TANC2: variants seen among roughly 807,000 people sequenced by gnomAD.
TANC2 encodes the protein tetratricopeptide repeat, ankyrin repeat and coiled-coil containing 2.
In TANC2, 26 loss-of-function variants were observed where a neutral mutation model predicts 210.5. The ratio of observed to expected loss-of-function variants is 0.12; its 90% CI spans 0.09 to 0.17. The LOEUF (loss-of-function observed/expected upper bound fraction) is 0.17, where lower values mean the gene tolerates loss of function less well. TANC2 is among the 10% of genes least tolerant of loss of function. The pLI is 1.00. For missense variants in TANC2, 2,129 were observed against 2,608.9 expected (o/e 0.82, Z 4.01); for synonymous variants, 931 against 967.1 (o/e 0.96, Z 0.69).
chr17:62,992,466 G>A (rs1293710927), intron 1 of TANC2, among the ~76,000 whole-genome samples: 1 of 152,128 alleles, frequency 6.6e-6, no homozygotes, highest in Admixed American at 6.5e-5. Flanking sequence ...TTGTCATAAT[G>A]AGTATACTAT....
exon 8 of TANC2, chr17:63,238,000 G>A (rs375527040): frequency 5.1e-6 from 8 of 1,571,496 alleles, no homozygotes; most frequent in Non-Finnish European, 6.9e-6. Context: ...ATCCCAGAGA[G>A]AAATTTGGAA....
At chr17:63,011,538 A>T (rs899440093) in intron 2 of TANC2, among the ~76,000 whole-genome samples, 6 of 151,896 alleles carry the variant, frequency 4.0e-5, no homozygotes, top group Non-Finnish European at 7.4e-5. Context: ...ATGATTGTGA[A>T]TTTTTTTTAT....
intron 9 of TANC2, among the ~76,000 whole-genome samples, chr17:63,309,500 G>A (rs996386686): frequency 2.0e-5 from 3 of 151,958 alleles, no homozygotes; most frequent in Admixed American, 6.6e-5. Context: ...AATTATCTGG[G>A]TTTTTAAAAT....
At position 63,107,544 on chromosome 17, in the gene TANC2, G is replaced by A. The variant is rs545612588; in HGVS notation, c.322+8187G>A. On this transcript the variant is annotated intron_variant, in intron 4 of 27. Coordinates refer to ENST00000689528, the Ensembl canonical transcript of TANC2. ...CAAAACTTGTACATGTATGTTCATAGCAGCATTATTCATAATAGCCAAAGA... is the reference window on the plus strand; with the variant it reads ...CAAAACTTGTACATGTATGTTCATAACAGCATTATTCATAATAGCCAAAGA... Among the ~76,000 whole-genome samples, 361 of 151,740 alleles carry A rather than the reference G, an allele frequency of 2.4e-3. 4 individuals are homozygous for A. Among genetic ancestry groups the A allele is most frequent in the Non-Finnish European group, 3.0e-3 (203 of 67,992 alleles).
At chr17:63,046,524 G>T (rs1417011128) in intron 2 of TANC2, among the ~76,000 whole-genome samples, 2 of 151,652 alleles carry the variant, frequency 1.3e-5, no homozygotes, top group Middle Eastern at 3.4e-3. Context: ...TAGAGACAGG[G>T]TTTCACCGTG....
intron 5 of TANC2, chr17:63,153,688 C>G (rs2039737789): frequency 6.6e-6 from 1 of 152,140 alleles, no homozygotes; most frequent in Admixed American, 6.6e-5. Flanking sequence ...TTCAGTGGTT[C>G]AGTGAACAAT....
intron 4 of TANC2, among the ~76,000 whole-genome samples, chr17:63,126,302 A>G (rs2038705365): frequency 6.6e-6 from 1 of 152,226 alleles, no homozygotes; most frequent in Non-Finnish European, 1.5e-5. Context: ...GAGCTTCAAT[A>G]ATATTCTTAG....
At chr17:63,175,434 A>G (rs1387977539) in intron 5 of TANC2, among the ~76,000 whole-genome samples, 3 of 151,286 alleles carry the variant, frequency 2.0e-5, no homozygotes, top group African/African-American at 7.3e-5. Flanking sequence ...GGCTAAGGCA[A>G]GAGGATTGCT....
At chr17:63,295,642 A>G (rs974794896) in intron 9 of TANC2, among the ~76,000 whole-genome samples, 1 of 152,224 alleles carries the variant, frequency 6.6e-6, no homozygotes, top group Non-Finnish European at 1.5e-5. Context: ...TTAGCCAGTC[A>G]TATAAGCCTA....
chr17:63,389,632 G>A, intron 17 of TANC2, 88 bp downstream of exon 17: 1 of 1,282,108 alleles, frequency 7.8e-7, no homozygotes, highest in Non-Finnish European at 1.1e-6. Flanking sequence ...TACTTCATGA[G>A]TCTGGGTAGA....
chr17:63,175,385 GGTGCA>G (rs1172379937), intron 5 of TANC2, among the ~76,000 whole-genome samples: 1 of 151,930 alleles, frequency 6.6e-6, no homozygotes, highest in African/African-American at 2.4e-5. Flanking sequence ...GAATTAGCCA[GGTGCA>G]GTGCTGTGTG....
At chr17:63,329,187 AT>A (rs573829568) in intron 11 of TANC2, among the ~76,000 whole-genome samples, 120 of 152,064 alleles carry the variant, frequency 7.9e-4, no homozygotes, top group Middle Eastern at 3.4e-3. Flanking sequence ...TAGATTTATT[AT>A]TTTTTTAATG....
At chr17:63,165,100 T>C (rs953927748) in intron 5 of TANC2, among the ~76,000 whole-genome samples, 2 of 151,120 alleles carry the variant, frequency 1.3e-5, no homozygotes, top group African/African-American at 4.9e-5. Context: ...CTGGGCAACA[T>C]ACCGAGACCC....
At chr17:63,200,635 C>T in intron 6 of TANC2, 136 bp from the exon 7 acceptor site, 3 of 735,934 alleles carry the variant, frequency 4.1e-6, no homozygotes, top group Non-Finnish European at 6.4e-6. Flanking sequence ...TCCGAGAAAG[C>T]AAAAACAAAT....
At chr17:63,270,785 A>G (rs559228471) in intron 9 of TANC2, among the ~76,000 whole-genome samples, 18 of 152,096 alleles carry the variant, frequency 1.2e-4, no homozygotes, top group Non-Finnish European at 2.1e-4. Flanking sequence ...CCTAGTATCC[A>G]TTCATTATTT....
intron 14 of TANC2, among the ~76,000 whole-genome samples, chr17:63,377,286 A>C (rs2047455823): frequency 6.6e-6 from 1 of 152,102 alleles, no homozygotes; most frequent in African/African-American, 2.4e-5. Context: ...GCTGGCTTAG[A>C]TTTCTCCCTA....
intron 14 of TANC2, among the ~76,000 whole-genome samples, chr17:63,356,047 C>T (rs2046773035): frequency 6.6e-6 from 1 of 152,058 alleles, no homozygotes; most frequent in African/African-American, 2.4e-5. Context: ...GGGGCACACA[C>T]CAGAATAGGG....
chr17:63,415,791 T>C (rs1443539431), intron 26 of TANC2, 117 bp downstream of exon 26: 2 of 1,250,196 alleles, frequency 1.6e-6, no homozygotes, highest in Non-Finnish European at 2.2e-6. Context: ...AACTTGGTTG[T>C]CCTTCACAGA....
intron 12 of TANC2, among the ~76,000 whole-genome samples, chr17:63,348,675 A>G (rs1286820206): frequency 1.3e-5 from 2 of 152,266 alleles, no homozygotes; most frequent in African/African-American, 2.4e-5. Context: ...TATATTTTAC[A>G]TGTTCTTACA....
Sources: gnomAD v4.1 joint callset for allele counts (sites outside exome capture counted in the v4.1 genomes callset) on GRCh38, gnomAD v4.1.1 for gene constraint, MANE v1.5 for transcripts, NCBI Gene and HGNC (gene_info 2026-07-23, HGNC 2026-07-21) for gene names.